The following VOPP1 variants were observed in gnomAD, a reference collection of about 807,000 sequenced individuals.
VOPP1 encodes WW domain binding protein VOPP1.
A neutral mutation model predicts 23.5 loss-of-function variants in VOPP1; 8 were observed. The observed-to-expected ratio is 0.34, with a 90% confidence interval of 0.20 to 0.61. The LOEUF (loss-of-function observed/expected upper bound fraction) is 0.61, where lower values mean the gene tolerates loss of function less well. VOPP1 is among the 20% of genes least tolerant of loss of function. The pLI, the probability that VOPP1 is intolerant of heterozygous loss-of-function variation, is 0.78. For synonymous variants in VOPP1, 83 were observed against 97.3 expected, an observed-to-expected ratio of 0.85 and a Z score of 0.86; for missense variants, 174 against 238.1, an observed-to-expected ratio of 0.73 and a Z score of 1.77.
chr7:55,537,531 G>T, intron 1 of VOPP1: 2 of 1,536,062 alleles, frequency 1.3e-6, no homozygotes, highest in Non-Finnish European at 1.7e-6. Flanking sequence ...TTCGCATTCT[G>T]TTAGGCGCAA....
At chr7:55,538,173 TCTGGAACACGAAGTA>T (rs1296884434) in intron 1 of VOPP1, among the ~76,000 whole-genome samples, 5 of 152,232 alleles carry the variant, frequency 3.3e-5, no homozygotes, top group Non-Finnish European at 7.3e-5. Context: ...CAGAAGTGTT[TCTGGAACACGAAGTA>T]TTGCAAAGTC....
chr7:55,509,165 G>A (rs1225135579), intron 2 of VOPP1, among the ~76,000 whole-genome samples: 1 of 152,164 alleles, frequency 6.6e-6, no homozygotes, highest in Non-Finnish European at 1.5e-5. Flanking sequence ...TGAGATTCTA[G>A]TACCTAAAAA....
intron 1 of VOPP1, among the ~76,000 whole-genome samples, chr7:55,563,398 T>C (rs552738479): frequency 2.2e-4 from 34 of 152,340 alleles, no homozygotes; most frequent in African/African-American, 4.8e-4. Context: ...AGTGATATTA[T>C]AGTTGAATTT....
intron 2 of VOPP1, chr7:55,515,928 G>A: frequency 1.0e-6 from 1 of 978,712 alleles, no homozygotes; most frequent in Non-Finnish European, 1.2e-6. Flanking sequence ...TCCTCGGTCA[G>A]TTCCTACCTT....
intron 4 of VOPP1, among the ~76,000 whole-genome samples, chr7:55,465,217 T>C (rs1031325722): frequency 6.6e-6 from 1 of 152,226 alleles, no homozygotes; most frequent in African/African-American, 2.4e-5. Flanking sequence ...TCTCTCTGGA[T>C]GTACAAAATA....
intron 1 of VOPP1, among the ~76,000 whole-genome samples, chr7:55,556,258 G>A (rs1247427582): frequency 6.6e-6 from 1 of 152,202 alleles, no homozygotes; most frequent in African/African-American, 2.4e-5. Context: ...CAGGGGTTCA[G>A]CCCAGCAGGA....
intron 4 of VOPP1, among the ~76,000 whole-genome samples, chr7:55,487,243 G>C (rs1186780729): frequency 6.6e-6 from 1 of 152,156 alleles, no homozygotes; most frequent in African/African-American, 2.4e-5. Context: ...ACATGAGAAT[G>C]AACAGTCAGA....
At chr7:55,537,545 T>C (rs1275469023) in intron 1 of VOPP1, 19 of 1,535,890 alleles carry the variant, frequency 1.2e-5, no homozygotes, top group Non-Finnish European at 1.4e-5. Context: ...GGCGCAAGGA[T>C]GCAGGCAGCG....
At chr7:55,549,458 G>A (rs1222727926) in intron 1 of VOPP1, among the ~76,000 whole-genome samples, 2 of 152,184 alleles carry the variant, frequency 1.3e-5, no homozygotes, top group East Asian at 3.9e-4. Flanking sequence ...AGAACCAAGT[G>A]AACCTGAAAC....
intron 1 of VOPP1, among the ~76,000 whole-genome samples, chr7:55,564,264 T>G (rs1030596737): frequency 1.3e-5 from 2 of 150,930 alleles, no homozygotes; most frequent in African/African-American, 4.9e-5. Context: ...TCTCTCTCTC[T>G]CTCGCTCGCT....
intron 4 of VOPP1, among the ~76,000 whole-genome samples, chr7:55,443,054 G>C (rs920073384): frequency 2.6e-5 from 4 of 151,938 alleles, no homozygotes; most frequent in Non-Finnish European, 4.4e-5. Flanking sequence ...AGGAGGCAGA[G>C]CTTGCAGTGA....
intron 4 of VOPP1, among the ~76,000 whole-genome samples, chr7:55,457,619 A>T (rs1487431038): frequency 4.0e-5 from 6 of 149,196 alleles, no homozygotes; most frequent in Admixed American, 6.6e-5. Flanking sequence ...TGTTGCCAGC[A>T]TTTTTTTTTT....
At position 55,537,510 on chromosome 7, in the gene VOPP1, T is replaced by C. The variant is rs563408280; in HGVS notation, c.55-16380A>G. The C allele has an allele frequency of 7.0e-5, 108 of 1,536,114 alleles. No homozygotes were observed. In the African/African-American group the frequency reaches 1.3e-3, roughly 18 times the overall value. ...CCAGCCGAGCAAGCACCTGAGCATG[T>C]GAGCCCGTCCTTCGCATTCTGTTAG... On this transcript the variant is annotated intron_variant, in intron 1 of 4. Transcript: ENST00000285279.
At chr7:55,539,371 G>A (rs1229774317) in intron 1 of VOPP1, 2 of 152,036 alleles carry the variant, frequency 1.3e-5, no homozygotes, top group African/African-American at 4.8e-5. Context: ...AAAAGTACGT[G>A]TATTTATTGT....
intron 1 of VOPP1, among the ~76,000 whole-genome samples, chr7:55,531,416 C>A (rs1371223618): frequency 1.4e-5 from 2 of 147,310 alleles, no homozygotes; most frequent in East Asian, 4.0e-4. Flanking sequence ...GTGGTGCGAT[C>A]TTGGCTCACT....
intron 1 of VOPP1, among the ~76,000 whole-genome samples, chr7:55,529,386 A>C (rs993591140): frequency 7.7e-6 from 1 of 129,428 alleles, no homozygotes; most frequent in Admixed American, 8.4e-5. Flanking sequence ...AAAAAAAAAA[A>C]AAAGAGTCCT....
At chr7:55,487,157 C>T (rs773257868) in intron 4 of VOPP1, among the ~76,000 whole-genome samples, 2 of 152,200 alleles carry the variant, frequency 1.3e-5, no homozygotes, top group Non-Finnish European at 2.9e-5. Context: ...TCAAAACACC[C>T]TCCCTACTAT....
At chr7:55,499,439 C>T (rs1225591415) in intron 2 of VOPP1, among the ~76,000 whole-genome samples, 2 of 152,192 alleles carry the variant, frequency 1.3e-5, no homozygotes, top group Admixed American at 6.5e-5. Context: ...TCCATGCATC[C>T]ACCAAGGGGC....
intron 4 of VOPP1, among the ~76,000 whole-genome samples, chr7:55,452,192 A>C (rs1476239128): frequency 6.6e-6 from 1 of 152,226 alleles, no homozygotes; most frequent in African/African-American, 2.4e-5. Flanking sequence ...TTCCATTTCA[A>C]GAAACCACCT....
Sources: gnomAD v4.1 joint callset for allele counts (sites outside exome capture counted in the v4.1 genomes callset) on GRCh38, gnomAD v4.1.1 for gene constraint, MANE v1.5 for transcripts, NCBI Gene and HGNC (gene_info 2026-07-23, HGNC 2026-07-21) for gene names.